SLC25A46: variants seen among roughly 807,000 people sequenced by gnomAD.
SLC25A46 encodes solute carrier family 25 member 46, also known as mitochondrial outer membrane protein SLC25A46.
Under a neutral mutation model 44.6 loss-of-function variants are expected in SLC25A46, and 39 were observed. The ratio of observed to expected loss-of-function variants is 0.87; its 90% confidence interval spans 0.68 to 1.14. The LOEUF is 1.14. Among genes scored for constraint, SLC25A46 ranks in the 50% most tolerant of loss-of-function variants. SLC25A46 has a pLI of 0.00. For synonymous variants in SLC25A46, 202 were observed against 185.8 expected, an observed-to-expected ratio of 1.09 and a Z score of -0.71; for missense variants, 547 against 522.7, an observed-to-expected ratio of 1.05 and a Z score of -0.45.
intron 5 of SLC25A46, among the ~76,000 whole-genome samples, chr5:110,751,631 A>G (rs1029786487): frequency 1.3e-5 from 2 of 152,194 alleles, no homozygotes; most frequent in African/African-American, 4.8e-5. Context: ...TGTAGATGAA[A>G]AGGTTGTATG....
Position 110,763,161 on chromosome 5 carries a change from A to G in SLC25A46, c.*1379A>G, listed in dbSNP as rs550940610. 1.3e-5 allele frequency: 2 copies of G among 152,076 alleles called. No homozygotes were observed. The highest frequency in any genetic ancestry group is 4.8e-5 in the African/African-American group (2 of 41,526). The allele number at this position is 152,076 out of a possible 1,614,324, so 9.4% of individuals were successfully genotyped here. A position where few individuals can be genotyped will look rare whatever the true frequency, so the allele number is the denominator to read the frequency against. On this transcript the variant is annotated 3_prime_UTR_variant, in exon 8 of 8. Transcript: ENST00000355943. ...CTATCATTAGACATTTTAAAGTTTC[A>G]TGTCTTCACGTGAATAATCACAGTT...
At chr5:110,758,014 A>T (rs560554747) in intron 7 of SLC25A46, among the ~76,000 whole-genome samples, 2 of 152,298 alleles carry the variant, frequency 1.3e-5, no homozygotes, top group Admixed American at 6.5e-5. Flanking sequence ...TGCCCGGCTC[A>T]CTATGTGATA....
intron 7 of SLC25A46, among the ~76,000 whole-genome samples, chr5:110,760,194 C>T (rs1800214948): frequency 6.6e-6 from 1 of 152,066 alleles, no homozygotes; most frequent in South Asian, 2.1e-4. Context: ...TATCCTTGAC[C>T]CTTCTCTTGC....
intron 7 of SLC25A46, among the ~76,000 whole-genome samples, chr5:110,757,509 C>T (rs776264296): frequency 2.0e-5 from 3 of 152,082 alleles, no homozygotes; most frequent in Admixed American, 1.3e-4. Flanking sequence ...TGTAAAAACT[C>T]GCACTGGATC....
At position 110,763,614 on chromosome 5, in the gene SLC25A46, G is replaced by T. The variant is rs1047294217; in HGVS notation, c.*1832G>T. The T allele has an allele frequency of 8.6e-5, 13 of 151,814 alleles. No individual in the cohort carries two copies. Among genetic ancestry groups the T allele is most frequent in the Admixed American group, 8.6e-4 (13 of 15,186 alleles). 9.4% of individuals were successfully genotyped at this position (151,814 alleles called of 1,614,324 possible). ...TTGAAAAATTTCTAGAAAAGAATCT[G>T]AATAGAATCAAGTATTTACTAGTGA... On this transcript the variant is annotated 3_prime_UTR_variant, in exon 8 of 8. Transcript: ENST00000355943.
chr5:110,751,869 T>C (rs760937684), intron 5 of SLC25A46, among the ~76,000 whole-genome samples: 3 of 152,198 alleles, frequency 2.0e-5, no homozygotes, highest in Non-Finnish European at 4.4e-5. Context: ...GTGTAACTAG[T>C]TGTCAAATGA....
In SLC25A46 at chr5:110,764,675, A is replaced by G. The variant is rs1419284254; in HGVS notation, c.*2893A>G. 7.1e-6 allele frequency: 1 copy of G among 141,572 alleles called. No homozygotes were observed. Among genetic ancestry groups the G allele is most frequent in the East Asian group, 2.0e-4 (1 of 5,106 alleles). The allele number at this position is 141,572 out of a possible 1,614,324, so 8.8% of individuals were successfully genotyped here. ...ATTAGTACATCTGTTCAGGAAATGG[A>G]AAAAAAAAATGCTGCTTAAATTTGT... is the stretch of plus-strand genomic sequence containing the variant. On this transcript the variant is annotated 3_prime_UTR_variant, in exon 8 of 8. Transcript: ENST00000355943.
intron 5 of SLC25A46, among the ~76,000 whole-genome samples, chr5:110,749,967 G>A (rs923606965): frequency 2.0e-5 from 3 of 152,106 alleles, no homozygotes; most frequent in Admixed American, 6.6e-5. Context: ...GGAATGGTTT[G>A]TTAATCCAAA....
Position 110,746,308 on chromosome 5 carries a change from A to G in SLC25A46, c.424A>G (p.Thr142Ala). ...HAQHYHLTPF[T>A]VINIMYSFNK... is the part of the protein sequence containing the mutation. ...TCAGCATTACCATCTCACTCCATTT[A>G]CAGTCATCAATATTATGTACAGTTT... The change falls in exon 4 of 8, where the codon ACA becomes GCA. Residue 142 changes from threonine to alanine, a missense_variant. By Grantham distance (58) the Thr-to-Ala change is moderately conservative. Transcript: ENST00000355943. 1.3e-6 allele frequency: 2 copies of G among 1,592,794 alleles called. No individual in the cohort carries two copies. Among genetic ancestry groups the G allele is most frequent in the East Asian group, 2.3e-5 (1 of 43,376 alleles).
At chr5:110,738,321 G>C (rs1799430973), upstream of SLC25A46, 1 of 1,134,166 alleles carries the variant, frequency 8.8e-7, no homozygotes, top group Non-Finnish European at 1.1e-6. Context: ...ATATAACTGG[G>C]ATTTCAATAC....
chr5:110,756,148 A>C (rs996850404), intron 6 of SLC25A46: 1 of 152,136 alleles, frequency 6.6e-6, no homozygotes, highest in Non-Finnish European at 1.5e-5. Flanking sequence ...TATTATTTTG[A>C]ATAACTATAT....
At chr5:110,743,808 C>A in intron 3 of SLC25A46, 21 bp downstream of exon 3, 2 of 1,589,118 alleles carry the variant, frequency 1.3e-6, no homozygotes, top group Non-Finnish European at 1.7e-6. Context: ...TTTCTGTGAT[C>A]TTTTGAAGCA....
At chr5:110,752,601 C>T (rs925367755) in intron 5 of SLC25A46, among the ~76,000 whole-genome samples, 2 of 152,182 alleles carry the variant, frequency 1.3e-5, no homozygotes, top group African/African-American at 4.8e-5. Flanking sequence ...TTATTTTAAA[C>T]ACACGTTATT....
In SLC25A46 at chr5:110,755,893, T is replaced by C. The variant is rs867709539; in HGVS notation, c.620+372T>C. 1.7e-4 allele frequency: 27 copies of C among 155,430 alleles called. No individual in the cohort carries two copies. In the Middle Eastern group the frequency reaches 9.5e-3, roughly 55 times the overall value. 9.6% of individuals were successfully genotyped at this position (155,430 alleles called of 1,614,324 possible). On this transcript the variant is annotated intron_variant, in intron 6 of 7. Coordinates refer to ENST00000355943, the MANE Select transcript of SLC25A46 (RefSeq NM_138773.4). ...GATAAGCAAACCCAAAAAACCTTAGTGACATTGAAATGTAGTCCTGAAGGC... is the reference window on the plus strand; with the variant it reads ...GATAAGCAAACCCAAAAAACCTTAGCGACATTGAAATGTAGTCCTGAAGGC...
upstream of SLC25A46, among the ~76,000 whole-genome samples, chr5:110,738,460 C>T (rs569951542): frequency 1.6e-4 from 25 of 152,222 alleles, no homozygotes; most frequent in Non-Finnish European, 3.2e-4. Context: ...GTTTCTTTCA[C>T]CCCCGACGTG....
rs576080911 is a variant in SLC25A46, at chr5:110,765,068, CTTTTT to C, written c.*3294_*3298del. ...ACCTAGAGATGTTTTGTCTGTATGA[CTTTTT>C]TTTTTTTAAGTTTGTCTTACTGTTA... On this transcript the variant is annotated 3_prime_UTR_variant, in exon 8 of 8. Transcript: ENST00000355943. The C allele has an allele frequency of 7.0e-6, 1 of 143,348 alleles. No homozygotes were observed. Among genetic ancestry groups the C allele is most frequent in the Non-Finnish European group, 1.5e-5 (1 of 64,966 alleles). 8.9% of individuals were successfully genotyped at this position (143,348 alleles called of 1,614,324 possible). A position where few individuals can be genotyped will look rare whatever the true frequency, so the allele number is the denominator to read the frequency against.
At chr5:110,741,974 A>G in intron 1 of SLC25A46, 73 bp from the exon 2 acceptor site, 3 of 1,049,350 alleles carry the variant, frequency 2.9e-6, no homozygotes, top group Non-Finnish European at 4.2e-6. Flanking sequence ...AATTGTTTTG[A>G]GACTAAACCT....
intron 7 of SLC25A46, among the ~76,000 whole-genome samples, chr5:110,758,885 A>G (rs571962423): frequency 2.0e-5 from 3 of 152,166 alleles, no homozygotes; most frequent in Non-Finnish European, 4.4e-5. Flanking sequence ...ATACTTATAT[A>G]TATCCTTTTA....
At chr5:110,749,483 A>C (rs1345891599) in intron 5 of SLC25A46, among the ~76,000 whole-genome samples, 1 of 137,390 alleles carries the variant, frequency 7.3e-6, no homozygotes, top group Admixed American at 7.6e-5. Context: ...CTAGGCATAC[A>C]TGTGTGCCGT....
Sources: allele counts gnomAD v4.1 joint callset (sites outside exome capture counted in the v4.1 genomes callset), GRCh38; gene constraint gnomAD v4.1.1; transcripts MANE v1.5; gene names NCBI Gene and HGNC (gene_info 2026-07-23, HGNC 2026-07-21).